Variants in IL22RA1 observed in about 807,000 individuals in gnomAD.
The protein encoded by IL22RA1 is interleukin-22 receptor subunit alpha-1.
A neutral mutation model predicts 32.8 loss-of-function variants in IL22RA1; 25 were observed. The ratio of observed to expected loss-of-function variants is 0.76; its 90% confidence interval spans 0.55 to 1.06. IL22RA1 has a LOEUF of 1.06. IL22RA1 is among the 50% of genes least tolerant of loss of function. The pLI is 0.00. For missense variants in IL22RA1, 709 were observed against 727.4 expected (o/e 0.97, Z 0.29); for synonymous variants, 305 against 305.0 (o/e 1.00, Z 0.00).
intron 3 of IL22RA1, chr1:24,134,742 T>C (rs1644231224): frequency 4.7e-6 from 3 of 638,210 alleles, no homozygotes; most frequent in Non-Finnish European, 5.8e-6. Context: ...CTATTGAGTA[T>C]GACAGCTTTG....
chr1:24,124,264 G>A (rs1375732280), intron 5 of IL22RA1, among the ~76,000 whole-genome samples: 4 of 152,176 alleles, frequency 2.6e-5, no homozygotes, highest in East Asian at 1.9e-4. Context: ...TGAAAACAGG[G>A]AGGCCTGTCC....
At chr1:24,134,431 G>T (rs115539436) in intron 3 of IL22RA1, 45 bp from the exon 4 acceptor site, 2 of 1,414,444 alleles carry the variant, frequency 1.4e-6, no homozygotes, top group African/African-American at 3.0e-5. Flanking sequence ...AGTCAGAATC[G>T]GTGGGTAGTG....
At chr1:24,123,183 A>G (rs1644137062) in intron 6 of IL22RA1, 119 bp downstream of exon 6, 1 of 1,400,360 alleles carries the variant, frequency 7.1e-7, no homozygotes, top group East Asian at 2.4e-5. Context: ...CCGTGAATGG[A>G]GAGAGCAGGC....
intron 4 of IL22RA1, among the ~76,000 whole-genome samples, chr1:24,131,595 A>G (rs1047499378): frequency 4.6e-5 from 7 of 152,232 alleles, no homozygotes; most frequent in African/African-American, 1.7e-4. Flanking sequence ...GTATTTAATA[A>G]CTGAGTTTCA....
At chr1:24,122,590 G>A (rs1475505254) in intron 6 of IL22RA1, among the ~76,000 whole-genome samples, 1 of 152,118 alleles carries the variant, frequency 6.6e-6, no homozygotes, top group Non-Finnish European at 1.5e-5. Flanking sequence ...GAAGTCAGGA[G>A]TTTGAGACCA....
chr1:24,121,990 C>A (rs991129124), intron 6 of IL22RA1, among the ~76,000 whole-genome samples: 1 of 152,122 alleles, frequency 6.6e-6, no homozygotes, highest in Non-Finnish European at 1.5e-5. Context: ...GCTCTGGTTT[C>A]TCCAGGAGGC....
At chr1:24,124,200 G>C (rs1331028436) in intron 5 of IL22RA1, among the ~76,000 whole-genome samples, 1 of 152,196 alleles carries the variant, frequency 6.6e-6, no homozygotes, top group Non-Finnish European at 1.5e-5. Context: ...TTTTGCCTGA[G>C]TCTAAGGGTG....
Position 24,138,766 on chromosome 1 carries a change from C to T in IL22RA1, c.44-52G>A, listed in dbSNP as rs754861804. The T allele has an allele frequency of 6.9e-6, 11 of 1,595,926 alleles. No individual in the cohort carries two copies. The South Asian group carries it at 1.2e-4, about 18-fold the overall frequency. ...CAGGGGCTTTCCCAGGGTCACCCTG[C>T]CCATGTATGGGCTCAGTCAGAGTCC... On this transcript the variant is annotated intron_variant, in intron 1 of 6. Transcript: ENST00000270800.
intron 6 of IL22RA1, 129 bp from the exon 7 acceptor site, chr1:24,121,866 A>G (rs963965688): frequency 8.2e-6 from 5 of 611,290 alleles, no homozygotes; most frequent in Non-Finnish European, 1.3e-5. Context: ...CGTCTGTCCC[A>G]TATCCCCATC....
At chr1:24,123,651 G>A (rs1182019745) in intron 5 of IL22RA1, 25 of 1,008,164 alleles carry the variant, frequency 2.5e-5, no homozygotes, top group Non-Finnish European at 3.2e-5. Context: ...AAATGTTCGA[G>A]GTTTCCACCT....
Position 24,128,955 on chromosome 1 carries a change from C to A in IL22RA1, c.532-676G>T, listed in dbSNP as rs143041720. On this transcript the variant is annotated intron_variant, in intron 4 of 6. Transcript: ENST00000270800. ...TCCAGTCCAGACTCATTTGTCTCTGCAGCCCACCTGGCTCTGCAGGCTCAT... is the reference window on the plus strand; with the variant it reads ...TCCAGTCCAGACTCATTTGTCTCTGAAGCCCACCTGGCTCTGCAGGCTCAT... 1.0e-3 allele frequency among the ~76,000 whole-genome samples: 152 copies of A among 152,332 alleles called. 1 individual carries two copies. The highest frequency in any genetic ancestry group is 3.4e-3 in the African/African-American group (140 of 41,568).
intron 1 of IL22RA1, among the ~76,000 whole-genome samples, chr1:24,140,724 A>G (rs1569586624): frequency 6.6e-6 from 1 of 152,340 alleles, no homozygotes; most frequent in South Asian, 2.1e-4. Context: ...GTGGAGAGCA[A>G]GAGCCTGCGG....
At chr1:24,129,439 T>C (rs144345691) in intron 4 of IL22RA1, among the ~76,000 whole-genome samples, 3 of 152,342 alleles carry the variant, frequency 2.0e-5, no homozygotes, top group African/African-American at 7.2e-5. Flanking sequence ...CCCTCCTCTC[T>C]CTGGGGCTGG....
At chr1:24,125,709 C>A (rs1402661291) in intron 5 of IL22RA1, among the ~76,000 whole-genome samples, 1 of 152,122 alleles carries the variant, frequency 6.6e-6, no homozygotes, top group Non-Finnish European at 1.5e-5. Flanking sequence ...AGCCAGAGTT[C>A]CTCCTCTGTA....
chr1:24,143,107 T>TG lies in IL22RA1; in HGVS notation c.-26dup. 6.9e-7 allele frequency: 1 copy of TG among 1,457,970 alleles called. No homozygotes were observed. The allele number at this position is 1,457,970 out of a possible 1,614,324, so 90.3% of individuals were successfully genotyped here. On this transcript the variant is annotated 5_prime_UTR_variant, in exon 1 of 7. Transcript: ENST00000270800. ...TCGGGGCTGGCACAGAGCCCTCCCT[T>TG]GGCCTCTACTCTGCCGTGCACAGAG... is the stretch of plus-strand genomic sequence containing the variant.
chr1:24,141,924 G>A (rs926395836), intron 1 of IL22RA1, among the ~76,000 whole-genome samples: 1 of 152,226 alleles, frequency 6.6e-6, no homozygotes, highest in Non-Finnish European at 1.5e-5. Context: ...ATGCTCTGGA[G>A]TCAGCCTAAG....
intron 5 of IL22RA1, among the ~76,000 whole-genome samples, chr1:24,125,469 G>A (rs929675422): frequency 5.9e-5 from 9 of 152,176 alleles, no homozygotes; most frequent in African/African-American, 1.7e-4. Flanking sequence ...GTTTATCTAC[G>A]GAGAGGTAGG....
At chr1:24,137,404 C>T (rs1644249830) in intron 2 of IL22RA1, 95 bp from the exon 3 acceptor site, 1 of 1,174,328 alleles carries the variant, frequency 8.5e-7, no homozygotes, top group Non-Finnish European at 1.2e-6. Flanking sequence ...CTGATATTTA[C>T]TTAGCACGTT....
intron 5 of IL22RA1, among the ~76,000 whole-genome samples, chr1:24,125,702 C>T (rs1047458590): frequency 6.6e-6 from 1 of 152,140 alleles, no homozygotes; most frequent in Non-Finnish European, 1.5e-5. Flanking sequence ...CTCTCTGAGC[C>T]AGAGTTCCTC....
Sources: gnomAD v4.1 joint callset for allele counts (sites outside exome capture counted in the v4.1 genomes callset) on GRCh38, gnomAD v4.1.1 for gene constraint, MANE v1.5 for transcripts, NCBI Gene and HGNC (gene_info 2026-07-23, HGNC 2026-07-21) for gene names.